The following LMBRD1 variants were observed in gnomAD, a reference collection of about 807,000 sequenced individuals.
LMBRD1 encodes the protein lysosomal cobalamin transport escort protein LMBD1.
LMBRD1 carries 64 observed loss-of-function variants against 74.8 expected under a neutral mutation model. The ratio of observed to expected loss-of-function variants is 0.86; its 90% confidence interval spans 0.70 to 1.05. The LOEUF (loss-of-function observed/expected upper bound fraction) is 1.05, where lower values mean the gene tolerates loss of function less well. LMBRD1 is among the 50% of genes least tolerant of loss of function. The pLI is 0.00. For synonymous variants in LMBRD1, 204 were observed against 216.3 expected (o/e 0.94, Z 0.50); for missense variants, 652 against 645.9 (o/e 1.01, Z -0.10).
rs142379612 is a variant in LMBRD1, at chr6:69,695,422, C to T, written c.1417+2141G>A. Among the ~76,000 whole-genome samples the T allele has an allele frequency of 1.7e-3, 262 of 152,134 alleles. 1 individual carries two copies. Among genetic ancestry groups the T allele is most frequent in the African/African-American group, 5.8e-3 (239 of 41,488 alleles). Reference sequence around the variant, plus strand: ...TGTCCATTCTCTTCTCACTCTCTACCCTCTGAGTTTCTCACATATACAGGA... The same window carrying T: ...TGTCCATTCTCTTCTCACTCTCTACTCTCTGAGTTTCTCACATATACAGGA... On this transcript the variant is annotated intron_variant, in intron 14 of 15. Transcript: ENST00000649934.
chr6:69,789,669 C>A (rs1001194709), intron 2 of LMBRD1, among the ~76,000 whole-genome samples: 1 of 151,962 alleles, frequency 6.6e-6, no homozygotes, highest in Non-Finnish European at 1.5e-5. Flanking sequence ...TATTTAAGTA[C>A]TAAAGCTAAA....
chr6:69,740,135 G>A (rs999710932), intron 6 of LMBRD1, among the ~76,000 whole-genome samples: 2 of 151,092 alleles, frequency 1.3e-5, no homozygotes, highest in African/African-American at 2.5e-5. Context: ...CAATAAAAAG[G>A]TCATATACCC....
At chr6:69,755,288 G>T (rs181113785) in intron 3 of LMBRD1, among the ~76,000 whole-genome samples, 1 of 152,194 alleles carries the variant, frequency 6.6e-6, no homozygotes, top group Non-Finnish European at 1.5e-5. Flanking sequence ...CAGGGACGTG[G>T]ATGAAGCTGG....
rs147077180 is a variant in LMBRD1, at chr6:69,730,345, T to C, written c.636+7597A>G. Among the ~76,000 whole-genome samples, 533 of 152,262 alleles carry C rather than the reference T, an allele frequency of 3.5e-3. 1 individual carries two copies. The highest frequency in any genetic ancestry group is 0.012 in the African/African-American group (514 of 41,582). ...CACTAAATACTACCTGTAGACTTAA[T>C]AAATGTCTTCCACATATTTGTGAAA... is the stretch of plus-strand genomic sequence containing the variant. On this transcript the variant is annotated intron_variant, in intron 7 of 15. Transcript: ENST00000649934.
At chr6:69,733,298 C>T (rs187444968) in intron 7 of LMBRD1, among the ~76,000 whole-genome samples, 52 of 152,230 alleles carry the variant, frequency 3.4e-4, no homozygotes, top group Admixed American at 9.2e-4. Flanking sequence ...ATTTTCTATA[C>T]CCTCTTTCAA....
chr6:69,775,326 GC>G (rs1765677324), intron 3 of LMBRD1, among the ~76,000 whole-genome samples: 1 of 152,120 alleles, frequency 6.6e-6, no homozygotes, highest in Non-Finnish European at 1.5e-5. Context: ...CCTGATTTCT[GC>G]CAGCTTCTCA....
intron 5 of LMBRD1, among the ~76,000 whole-genome samples, chr6:69,744,117 A>C (rs1767166116): frequency 1.3e-5 from 2 of 152,222 alleles, no homozygotes; most frequent in Admixed American, 1.3e-4. Context: ...AGGTATACTA[A>C]AGTATACTAA....
At chr6:69,692,030 ATTCT>A (rs1160085697) in intron 14 of LMBRD1, among the ~76,000 whole-genome samples, 2 of 152,088 alleles carry the variant, frequency 1.3e-5, no homozygotes, top group African/African-American at 2.4e-5. Flanking sequence ...CATTTTACTT[ATTCT>A]TTCTTACATT....
At chr6:69,760,515 CAATA>C (rs915634554) in intron 3 of LMBRD1, among the ~76,000 whole-genome samples, 1 of 152,094 alleles carries the variant, frequency 6.6e-6, no homozygotes, top group Non-Finnish European at 1.5e-5. Flanking sequence ...TTAATATGAT[CAATA>C]AATAGTCTGC....
At chr6:69,751,093 TA>T (rs2149877304) in intron 4 of LMBRD1, among the ~76,000 whole-genome samples, 1 of 152,272 alleles carries the variant, frequency 6.6e-6, no homozygotes, top group Non-Finnish European at 1.5e-5. Context: ...TTTTAACATA[TA>T]TTTTTTTCTT....
chr6:69,707,958 TAG>T (rs2149849246), intron 9 of LMBRD1, among the ~76,000 whole-genome samples: 1 of 152,292 alleles, frequency 6.6e-6, no homozygotes, highest in South Asian at 2.1e-4. Flanking sequence ...TTCCAAATCA[TAG>T]ACTGAGGCAT....
rs751029792 is a variant in LMBRD1, at chr6:69,676,418, G to T, written c.1509+32C>A. ...CATTTAACTATAATTTATAAAGGAA[G>T]GTCAAATCACGCGTGGGATATCTGC... On this transcript the variant is annotated intron_variant, in intron 15 of 15. Transcript: ENST00000649934. 3 of 1,595,790 alleles carry T rather than the reference G, an allele frequency of 1.9e-6. No individual in the cohort carries two copies. In the East Asian group the frequency reaches 6.7e-5, roughly 36 times the overall value.
chr6:69,795,032 C>A (rs1321491835), intron 1 of LMBRD1, among the ~76,000 whole-genome samples: 4 of 152,164 alleles, frequency 2.6e-5, no homozygotes, highest in African/African-American at 9.7e-5. Flanking sequence ...ATCTGAAAAA[C>A]GCTCCTCTGT....
At chr6:69,762,526 G>A (rs72910872) in intron 3 of LMBRD1, among the ~76,000 whole-genome samples, 4,583 of 152,026 alleles carry the variant, frequency 0.03, 95 homozygotes, top group Non-Finnish European at 0.047. Flanking sequence ...CCCAATAGCA[G>A]CATTCAAAGA....
At chr6:69,690,114 C>A (rs1765846238) in intron 14 of LMBRD1, among the ~76,000 whole-genome samples, 1 of 150,820 alleles carries the variant, frequency 6.6e-6, no homozygotes. Context: ...TTGAGCTGAT[C>A]TTATTCCTTT....
chr6:69,711,379 T>C (rs1266382522), intron 9 of LMBRD1, among the ~76,000 whole-genome samples: 1 of 152,178 alleles, frequency 6.6e-6, no homozygotes, highest in African/African-American at 2.4e-5. Context: ...GCCCTATCTA[T>C]CTATATTGGG....
chr6:69,796,776 G>C, intron 1 of LMBRD1, 37 bp downstream of exon 1: 1 of 1,597,204 alleles, frequency 6.3e-7, no homozygotes, highest in South Asian at 1.1e-5. Context: ...TCCTCCCCCA[G>C]TCCAAACATG....
At chr6:69,719,335 A>G (rs1002485130) in intron 7 of LMBRD1, among the ~76,000 whole-genome samples, 1 of 152,182 alleles carries the variant, frequency 6.6e-6, no homozygotes, top group Admixed American at 6.6e-5. Flanking sequence ...TTTACTGTAC[A>G]ATACTTTATA....
chr6:69,779,046 C>T (rs866430172), intron 3 of LMBRD1, among the ~76,000 whole-genome samples: 8 of 152,010 alleles, frequency 5.3e-5, no homozygotes, highest in Middle Eastern at 3.4e-3. Context: ...ATTAGCTGGG[C>T]GTGATGGTGT....
Sources: allele counts gnomAD v4.1 joint callset (sites outside exome capture counted in the v4.1 genomes callset), GRCh38; gene constraint gnomAD v4.1.1; transcripts MANE v1.5; gene names NCBI Gene and HGNC (gene_info 2026-07-23, HGNC 2026-07-21).